Variants in BABAM2 observed in about 807,000 individuals in gnomAD.
BABAM2 encodes BRISC and BRCA1-A complex member 2.
Under a neutral mutation model 54.7 loss-of-function variants are expected in BABAM2, and 31 were observed. The observed-to-expected ratio is 0.57, with a 90% CI of 0.43 to 0.77. BABAM2 has a LOEUF of 0.77. Among genes scored for constraint, BABAM2 ranks in the 30% least tolerant of loss-of-function variants. BABAM2 has a pLI of 0.00. For synonymous variants in BABAM2, 167 were observed against 162.9 expected, an observed-to-expected ratio of 1.03 and a Z score of -0.19; for missense variants, 364 against 455.8, an observed-to-expected ratio of 0.80 and a Z score of 1.83.
chr2:27,898,713 G>A (rs929375575), intron 2 of BABAM2, among the ~76,000 whole-genome samples: 2 of 152,136 alleles, frequency 1.3e-5, no homozygotes, highest in South Asian at 2.1e-4. Flanking sequence ...ATGTGATTCC[G>A]TTTATGTGAC....
intron 4 of BABAM2, chr2:28,015,943 A>G (rs1376402648): frequency 6.8e-6 from 4 of 587,020 alleles, no homozygotes; most frequent in Non-Finnish European, 9.2e-6. Flanking sequence ...TTCAGAATAT[A>G]TCTTTCTCTT....
intron 7 of BABAM2, among the ~76,000 whole-genome samples, chr2:28,146,482 A>T (rs1261532648): frequency 2.0e-5 from 3 of 152,238 alleles, no homozygotes; most frequent in Non-Finnish European, 2.9e-5. Flanking sequence ...TTGGCACAGG[A>T]TTCATATCCA....
intron 3 of BABAM2, among the ~76,000 whole-genome samples, chr2:27,964,485 A>T (rs1247717308): frequency 6.6e-6 from 1 of 152,226 alleles, no homozygotes; most frequent in African/African-American, 2.4e-5. Flanking sequence ...ATGTAGTGCA[A>T]TTACTGCAAA....
Position 28,003,764 on chromosome 2 carries a change from G to A in BABAM2, c.300+15677G>A, listed in dbSNP as rs968340818. Among the ~76,000 whole-genome samples the A allele has an allele frequency of 6.6e-5, 10 of 152,226 alleles. No individual in the cohort carries two copies. The South Asian group carries it at 1.9e-3, about 28-fold the overall frequency. The stretch of plus-strand genomic sequence containing the variant: ...TTATTGATAAAACTGATAAGTACCT[G>A]TCTCACAAGGCCATTTTAGGGAATA... On this transcript the variant is annotated intron_variant, in intron 4 of 11. Coordinates refer to ENST00000379624, the MANE Select transcript of BABAM2 (RefSeq NM_199191.3).
intron 7 of BABAM2, among the ~76,000 whole-genome samples, chr2:28,196,018 T>C (rs1677494000): frequency 6.6e-6 from 1 of 152,186 alleles, no homozygotes; most frequent in African/African-American, 2.4e-5. Flanking sequence ...TACAACAGTG[T>C]ACAATGAACT....
chr2:27,889,520 C>G (rs988220825), upstream of BABAM2, among the ~76,000 whole-genome samples: 2 of 152,072 alleles, frequency 1.3e-5, no homozygotes, highest in African/African-American at 4.8e-5. Flanking sequence ...ATCAGAAAAG[C>G]TACCTTAATT....
At chr2:28,104,997 C>G (rs1667384431) in intron 6 of BABAM2, among the ~76,000 whole-genome samples, 1 of 141,148 alleles carries the variant, frequency 7.1e-6, no homozygotes, top group African/African-American at 2.7e-5. Context: ...AATGAGAACA[C>G]TTGGACACAG....
intron 7 of BABAM2, among the ~76,000 whole-genome samples, chr2:28,152,530 G>A (rs551047404): frequency 2.0e-5 from 3 of 152,222 alleles, no homozygotes; most frequent in South Asian, 2.1e-4. Context: ...AGTCTTCCTC[G>A]GTTTTACTGT....
chr2:27,931,161 A>G (rs1459903994), intron 3 of BABAM2, among the ~76,000 whole-genome samples: 3 of 152,244 alleles, frequency 2.0e-5, no homozygotes, highest in Admixed American at 6.5e-5. Context: ...TCTGGAAACC[A>G]TTAAAATATA....
intron 4 of BABAM2, among the ~76,000 whole-genome samples, chr2:28,013,694 T>TACAC (rs56148921): frequency 0.16 from 17,250 of 105,868 alleles, 1,630 homozygotes; most frequent in Non-Finnish European, 0.19. Context: ...AAAAAGCTCT[T>TACAC]ACACACACAC....
intron 2 of BABAM2, among the ~76,000 whole-genome samples, chr2:27,913,463 A>G (rs1404232703): frequency 6.6e-6 from 1 of 152,202 alleles, no homozygotes; most frequent in Admixed American, 6.5e-5. Flanking sequence ...AGATAATTGG[A>G]GATACTGTTT....
At chr2:28,271,263 A>G (rs1419716799) in intron 10 of BABAM2, among the ~76,000 whole-genome samples, 1 of 152,170 alleles carries the variant, frequency 6.6e-6, no homozygotes, top group Non-Finnish European at 1.5e-5. Context: ...ATTTTTGTAA[A>G]TGCAAGGTGG....
intron 6 of BABAM2, among the ~76,000 whole-genome samples, chr2:28,123,054 T>C (rs749844379): frequency 5.1e-4 from 77 of 152,342 alleles, no homozygotes; most frequent in Non-Finnish European, 9.4e-4. Flanking sequence ...CAAATATTTC[T>C]CTGTTTAGAA....
intron 7 of BABAM2, among the ~76,000 whole-genome samples, chr2:28,184,253 T>TCCCC (rs1675996491): frequency 5.6e-5 from 4 of 71,452 alleles, no homozygotes; most frequent in African/African-American, 5.4e-5. Context: ...TCTCTCTCCC[T>TCCCC]CCCTCCCTCC....
intron 3 of BABAM2, among the ~76,000 whole-genome samples, chr2:27,934,183 T>G (rs956264896): frequency 2.0e-5 from 3 of 152,188 alleles, no homozygotes; most frequent in Non-Finnish European, 2.9e-5. Flanking sequence ...TTTTGGTAAT[T>G]TTTGTACCAT....
In BABAM2 at chr2:28,329,772, G is replaced by A. The variant is rs1034873389; in HGVS notation, c.1089-8678G>A. On this transcript the variant is annotated intron_variant, in intron 11 of 11. Transcript: ENST00000379624. This position sits in a 1 kb window ranked among gnomAD's most constrained non-coding sequence, Gnocchi z 4.2. ...AGAGGTACAAAGAGGATCTGGTACC[G>A]TTTCTTCTGAAACTATTCCAAACAA... Among the ~76,000 whole-genome samples, 7 of 152,104 alleles carry A rather than the reference G, an allele frequency of 4.6e-5. No individual in the cohort carries two copies. Among genetic ancestry groups the A allele is most frequent in the Middle Eastern group, 6.3e-3 (2 of 316 alleles).
At chr2:28,255,101 A>G (rs1328387249) in intron 10 of BABAM2, among the ~76,000 whole-genome samples, 1 of 152,134 alleles carries the variant, frequency 6.6e-6, no homozygotes, top group Admixed American at 6.6e-5. Flanking sequence ...AATTAATATC[A>G]CCTAATACCC....
At chr2:28,218,954 T>C (rs1373135079) in intron 7 of BABAM2, among the ~76,000 whole-genome samples, 1 of 152,208 alleles carries the variant, frequency 6.6e-6, no homozygotes, top group East Asian at 1.9e-4. Flanking sequence ...AAACAAAGCC[T>C]CATTTCATCA....
intron 6 of BABAM2, among the ~76,000 whole-genome samples, chr2:28,052,787 T>C (rs1208878799): frequency 2.0e-5 from 3 of 152,208 alleles, no homozygotes; most frequent in Non-Finnish European, 2.9e-5. Context: ...AGTGTGTGTA[T>C]GACAGTCACA....
Sources: gnomAD v4.1 joint callset for allele counts (sites outside exome capture counted in the v4.1 genomes callset) on GRCh38, gnomAD v4.1.1 for gene constraint, Gnocchi (gnomAD v3.1) non-coding constraint, MANE v1.5 for transcripts, NCBI Gene and HGNC (gene_info 2026-07-23, HGNC 2026-07-21) for gene names.